N4BP2: variants seen among roughly 807,000 people sequenced by gnomAD.
The protein encoded by N4BP2 is NEDD4 binding protein 2, also known as NEDD4-binding protein 2.
N4BP2 carries 91 observed loss-of-function variants against 152.8 expected under a neutral mutation model. That is an observed-to-expected ratio of 0.60 (90% CI 0.50 to 0.71). The LOEUF is 0.71. Among genes scored for constraint, N4BP2 ranks in the 30% least tolerant of loss-of-function variants. The pLI, the probability that N4BP2 is intolerant of heterozygous loss-of-function variation, is 0.00. For missense variants in N4BP2, 1,923 were observed against 2,059.1 expected, an observed-to-expected ratio of 0.93 and a Z score of 1.28; for synonymous variants, 646 against 705.3, an observed-to-expected ratio of 0.92 and a Z score of 1.33.
Position 40,123,130 on chromosome 4 carries a change from C to CTT in N4BP2, c.4203_4204insTT (p.Leu1402PhefsTer2). On this transcript the variant is annotated frameshift_variant, in exon 10 of 18. Coordinates refer to ENST00000261435, the MANE Select transcript of N4BP2 (RefSeq NM_018177.6). LOFTEE classifies it high-confidence loss of function. ...TCCCTCCCCCTTCCCCCACAAGGGT[C>CTT]TCTAACAGTTGAAGATTGTGTGGTT... is the stretch of plus-strand genomic sequence containing the variant. The CTT allele has an allele frequency of 8.7e-6, 14 of 1,601,480 alleles. No individual in the cohort carries two copies. Among genetic ancestry groups the CTT allele is most frequent in the Non-Finnish European group, 1.1e-5 (13 of 1,171,138 alleles).
At position 40,157,157 on chromosome 4, in the gene N4BP2, A is replaced by G. The variant is rs985351027; in HGVS notation, c.*2920A>G. On this transcript the variant is annotated 3_prime_UTR_variant, in exon 18 of 18. Transcript: ENST00000261435. Reference sequence around the variant, plus strand: ...ACCAGGGAGATATTAGACACTTAACAGTATTTTCAGTCTGTCCATCTCTTT... The same window carrying G: ...ACCAGGGAGATATTAGACACTTAACGGTATTTTCAGTCTGTCCATCTCTTT... 2 of 152,040 alleles carry G rather than the reference A, an allele frequency of 1.3e-5. No individual in the cohort carries two copies. The highest frequency in any genetic ancestry group is 3.8e-4 in the East Asian group (2 of 5,202). The allele number at this position is 152,040 out of a possible 1,614,324, so 9.4% of individuals were successfully genotyped here.
At chr4:40,184,262 T>A in the N4BP2 span, among the ~76,000 whole-genome samples, 1 of 152,162 alleles carries the variant, frequency 6.6e-6, no homozygotes, top group Admixed American at 6.5e-5. Context: ...GAAGCTTCCC[T>A]GTATGGCTGC....
intron 14 of N4BP2, among the ~76,000 whole-genome samples, chr4:40,140,249 G>A (rs1416556354): frequency 1.3e-5 from 2 of 152,118 alleles, no homozygotes; most frequent in African/African-American, 4.8e-5. Flanking sequence ...ATTTTCATAT[G>A]ATCTGTTAGT....
Position 40,102,467 on chromosome 4 carries a change from T to A in N4BP2, c.622T>A (p.Ser208Thr). ...CGGTGAAAATTTAGAGAATTCTGGT[T>A]CTACTTTAAGTTTAAACCCATTACC... ...LNGENLENSG[S>T]TLSLNPLPSH... Residue 208 changes from serine to threonine, a missense_variant, in exon 4 of 18, where the codon TCT (serine) becomes ACT (threonine). Transcript: ENST00000261435. The A allele has an allele frequency of 6.2e-7, 1 of 1,613,876 alleles. No homozygotes were observed. Among genetic ancestry groups the A allele is most frequent in the Non-Finnish European group, 8.5e-7 (1 of 1,179,948 alleles).
At chr4:40,179,187 T>TG in the N4BP2 span, among the ~76,000 whole-genome samples, 2 of 152,042 alleles carry the variant, frequency 1.3e-5, no homozygotes, top group South Asian at 4.2e-4. Context: ...GCTAACATGG[T>TG]GAAACCCTGA....
At chr4:40,059,253 C>T (rs1024186402) in intron 1 of N4BP2, among the ~76,000 whole-genome samples, 1 of 151,092 alleles carries the variant, frequency 6.6e-6, no homozygotes, top group African/African-American at 2.5e-5. Flanking sequence ...AAATAGCTAT[C>T]TACCTTCTTT....
At chr4:40,106,456 A>T (rs1293372357) in intron 4 of N4BP2, among the ~76,000 whole-genome samples, 1 of 152,146 alleles carries the variant, frequency 6.6e-6, no homozygotes, top group Middle Eastern at 3.2e-3. Flanking sequence ...AGCTGGGACT[A>T]TAGGTGCACA....
the N4BP2 span, among the ~76,000 whole-genome samples, chr4:40,180,445 C>G: frequency 6.7e-3 from 1,026 of 152,230 alleles, 10 homozygotes; most frequent in Non-Finnish European, 0.012. Context: ...TAGTTAGTCA[C>G]TCTCATACAT....
At chr4:40,139,902 C>T (rs951180146) in intron 14 of N4BP2, among the ~76,000 whole-genome samples, 7 of 147,972 alleles carry the variant, frequency 4.7e-5, no homozygotes, top group Non-Finnish European at 8.9e-5. Flanking sequence ...ACAGCTCAAG[C>T]GATCCTCCCA....
chr4:40,116,153 A>G (rs534854574), intron 7 of N4BP2, among the ~76,000 whole-genome samples: 1 of 152,034 alleles, frequency 6.6e-6, no homozygotes, highest in South Asian at 2.1e-4. Flanking sequence ...TTCTTTTTTC[A>G]TACTTTTACT....
At chr4:40,111,334 T>G (rs926245706) in intron 5 of N4BP2, among the ~76,000 whole-genome samples, 3 of 152,192 alleles carry the variant, frequency 2.0e-5, no homozygotes, top group Non-Finnish European at 4.4e-5. Context: ...ATGTGGGGTT[T>G]TTTTGAGACG....
intron 1 of N4BP2, among the ~76,000 whole-genome samples, chr4:40,057,508 A>C (rs1390504665): frequency 6.6e-6 from 1 of 152,138 alleles, no homozygotes; most frequent in Non-Finnish European, 1.5e-5. Context: ...TTATTTACTC[A>C]GTTCAAGTCC....
At chr4:40,175,708 T>G in the N4BP2 span, among the ~76,000 whole-genome samples, 1 of 145,966 alleles carries the variant, frequency 6.9e-6, no homozygotes, top group African/African-American at 2.6e-5. Flanking sequence ...CTCGGGAGGC[T>G]GAGGCAGGAA....
At chr4:40,127,997 A>G (rs977683918) in intron 12 of N4BP2, among the ~76,000 whole-genome samples, 9 of 152,206 alleles carry the variant, frequency 5.9e-5, no homozygotes, top group Non-Finnish European at 1.2e-4. Flanking sequence ...TTAGAAACTT[A>G]TGAGTTTGAA....
intron 2 of N4BP2, among the ~76,000 whole-genome samples, chr4:40,075,059 T>G (rs1166711196): frequency 6.6e-6 from 1 of 152,004 alleles, no homozygotes; most frequent in Non-Finnish European, 1.5e-5. Context: ...CTTCTTCATA[T>G]TTTACATATT....
rs777023638 is a variant in N4BP2 at position 40,112,066 on chromosome 4, TTA to T, written c.1499-16_1499-15del. 2 of 1,270,528 alleles carry T rather than the reference TTA, an allele frequency of 1.6e-6. No homozygotes were observed. The highest frequency in any genetic ancestry group is 2.2e-6 in the Non-Finnish European group (2 of 894,448). The allele number at this position is 1,270,528 out of a possible 1,614,324, so 78.7% of individuals were successfully genotyped here. ...GTATTGTTTAAAAAATGATTTTTAA[TTA>T]TGTTATGTTTTTCAGCAAAAGAAGC... On this transcript the variant is annotated splice_polypyrimidine_tract_variant and intron_variant, in intron 5 of 17. Coordinates refer to ENST00000261435, the MANE Select transcript of N4BP2 (RefSeq NM_018177.6).
rs1016459897 is a variant in N4BP2 at position 40,148,851 on chromosome 4, A to T, written c.5144-3929A>T. On this transcript the variant is annotated intron_variant, in intron 16 of 17. Coordinates refer to ENST00000261435, the MANE Select transcript of N4BP2 (RefSeq NM_018177.6). ...TAATATTCCATTGTGTCTATATCAC[A>T]TTTTTTTATCAATTTATCCATCGAT... is the stretch of plus-strand genomic sequence containing the variant. Among the ~76,000 whole-genome samples the T allele has an allele frequency of 3.9e-5, 6 of 152,194 alleles. No homozygotes were observed. The South Asian group carries it at 6.2e-4, about 16-fold the overall frequency.
At chr4:40,092,045 T>TAG (rs1553920289) in intron 2 of N4BP2, among the ~76,000 whole-genome samples, 3 of 102,668 alleles carry the variant, frequency 2.9e-5, no homozygotes, top group South Asian at 6.2e-4. Context: ...TATATATATA[T>TAG]AGCTGAATTT....
intron 8 of N4BP2, 24 bp from the exon 9 acceptor site, chr4:40,119,908 A>G: frequency 8.7e-7 from 1 of 1,144,940 alleles, no homozygotes; most frequent in Non-Finnish European, 1.2e-6. Context: ...CTTTCTCATG[A>G]TACTCTTTAA....
Sources: gnomAD v4.1 joint callset for allele counts (sites outside exome capture counted in the v4.1 genomes callset) on GRCh38, gnomAD v4.1.1 for gene constraint, MANE v1.5 for transcripts, NCBI Gene and HGNC (gene_info 2026-07-23, HGNC 2026-07-21) for gene names.